RTCA: variants seen among roughly 807,000 people sequenced by gnomAD.
RTCA encodes the protein RNA 3'-terminal phosphate cyclase, also known as RNA terminal phosphate cyclase domain 1.
A neutral mutation model predicts 46.1 loss-of-function variants in RTCA; 37 were observed. The observed-to-expected ratio is 0.80, with a 90% CI of 0.62 to 1.06. The LOEUF is 1.06. Among genes scored for constraint, RTCA ranks in the 50% least tolerant of loss-of-function variants. RTCA has a pLI of 0.00. For missense variants in RTCA, 435 were observed against 455.5 expected (o/e 0.95, Z 0.41); for synonymous variants, 164 against 158.3 (o/e 1.04, Z -0.27).
In RTCA at chr1:100,266,686, G is replaced by A. The variant is rs538625560; in HGVS notation, c.146+62G>A. The A allele has an allele frequency of 4.3e-6, 6 of 1,410,710 alleles. No homozygotes were observed. In the South Asian group the frequency reaches 6.2e-5, roughly 15 times the overall value. 87.4% of individuals were successfully genotyped at this position (1,410,710 alleles called of 1,614,324 possible). ...TGGGGGATCGGGGGGTCGGGCTGCC[G>A]GGCTGGGGCATCGGGAGTCCGAGTG... On this transcript the variant is annotated intron_variant, in intron 2 of 10. Coordinates refer to ENST00000370128, the MANE Select transcript of RTCA (RefSeq NM_003729.4).
chr1:100,281,328 G>C (rs781561579), intron 8 of RTCA: 5 of 531,756 alleles, frequency 9.4e-6, no homozygotes, highest in Non-Finnish European at 1.2e-5. Flanking sequence ...ATGATAGAGA[G>C]CACTAAACAG....
chr1:100,270,114 T>C (rs1467480185), intron 3 of RTCA, among the ~76,000 whole-genome samples: 2 of 152,242 alleles, frequency 1.3e-5, no homozygotes, highest in African/African-American at 2.4e-5. Flanking sequence ...TACCTTGTTA[T>C]ATAGTAACTA....
Position 100,291,640 on chromosome 1 carries a change from GAGA to G in RTCA, c.*139_*141del, listed in dbSNP as rs1438671393. The G allele has an allele frequency of 3.9e-6, 2 of 512,700 alleles. No homozygotes were observed. The highest frequency in any genetic ancestry group is 6.9e-6 in the Non-Finnish European group (2 of 290,498). 31.8% of individuals were successfully genotyped at this position (512,700 alleles called of 1,614,324 possible). On this transcript the variant is annotated 3_prime_UTR_variant, in exon 11 of 11. Coordinates refer to ENST00000370128, the MANE Select transcript of RTCA (RefSeq NM_003729.4). ...TGAAGTACAGTGTTCTAGGTTTGCT[GAGA>G]AGGCTTCATTAAATTAATCTCACTT...
intron 8 of RTCA, among the ~76,000 whole-genome samples, chr1:100,280,003 A>G (rs1570884618): frequency 6.6e-6 from 1 of 152,362 alleles, no homozygotes; most frequent in Non-Finnish European, 1.5e-5. Context: ...AGAAAGCCAT[A>G]TTAGAGGCAG....
intron 8 of RTCA, chr1:100,281,117 G>A: frequency 4.1e-6 from 2 of 492,618 alleles, no homozygotes; most frequent in South Asian, 3.0e-5. Flanking sequence ...GAGGCAGGAA[G>A]TTGTAACTAG....
intron 8 of RTCA, among the ~76,000 whole-genome samples, chr1:100,280,788 A>G (rs2100805514): frequency 6.6e-6 from 1 of 152,150 alleles, no homozygotes; most frequent in Non-Finnish European, 1.5e-5. Context: ...GATCACTTGA[A>G]CCCAAGTGTT....
intron 5 of RTCA, among the ~76,000 whole-genome samples, chr1:100,274,126 A>G (rs1018710870): frequency 2.0e-5 from 3 of 152,074 alleles, no homozygotes; most frequent in Non-Finnish European, 4.4e-5. Flanking sequence ...ATAATTCTTT[A>G]TGAACTGTGA....
intron 8 of RTCA, among the ~76,000 whole-genome samples, chr1:100,280,244 A>G (rs1346349063): frequency 6.6e-6 from 1 of 152,188 alleles, no homozygotes; most frequent in East Asian, 1.9e-4. Context: ...GGGTAGAGTT[A>G]GTTTGCCAGG....
intron 6 of RTCA, 127 bp from the exon 7 acceptor site, chr1:100,275,472 G>A: frequency 3.2e-6 from 2 of 634,300 alleles, no homozygotes; most frequent in Non-Finnish European, 5.1e-6. Flanking sequence ...GTGCTCTCTT[G>A]AAAATCAAGT....
chr1:100,284,553 C>T (rs940993904), intron 8 of RTCA, among the ~76,000 whole-genome samples: 1 of 151,982 alleles, frequency 6.6e-6, no homozygotes, highest in Non-Finnish European at 1.5e-5. Context: ...ACCACCATGC[C>T]CAGCTAAATT....
At chr1:100,268,380 T>C in intron 3 of RTCA, 85 bp downstream of exon 3, 1 of 1,103,278 alleles carries the variant, frequency 9.1e-7, no homozygotes, top group Non-Finnish European at 1.3e-6. Context: ...TTAATGTCTA[T>C]GAGCTTGTTT....
chr1:100,285,382 T>TA, intron 9 of RTCA, 60 bp downstream of exon 9: 1 of 1,100,622 alleles, frequency 9.1e-7, no homozygotes, highest in Non-Finnish European at 1.4e-6. Context: ...TGTGGTAGAT[T>TA]GAATATCAAT....
chr1:100,281,173 A>C (rs1395251317), intron 8 of RTCA: 3 of 526,754 alleles, frequency 5.7e-6, no homozygotes, highest in Non-Finnish European at 1.2e-5. Context: ...TTTTGATCTT[A>C]GTTTCCTTAT....
chr1:100,288,428 T>C (rs1349826925), intron 10 of RTCA, among the ~76,000 whole-genome samples: 1 of 152,212 alleles, frequency 6.6e-6, no homozygotes, highest in Non-Finnish European at 1.5e-5. Flanking sequence ...TTATTGTTTT[T>C]GAGACAGGGT....
intron 2 of RTCA, chr1:100,267,454 C>A: frequency 6.8e-7 from 1 of 1,463,680 alleles, no homozygotes; most frequent in East Asian, 2.5e-5. Context: ...AACAAAATGC[C>A]ACACACAGAG....
rs1159856399 is a variant in RTCA, at chr1:100,277,287, T to C, written c.770T>C (p.Leu257Ser). 6.2e-7 allele frequency: 1 copy of C among 1,612,584 alleles called. No homozygotes were observed. Among genetic ancestry groups the C allele is most frequent in the East Asian group, 2.2e-5 (1 of 44,844 alleles). Reference protein sequence around the residue: ...IIIAETSTGCLFAGSSLGKRG... With the variant: ...IIIAETSTGCSFAGSSLGKRG... ...ATTGCTGAGACCTCCACTGGCTGTT[T>C]GTTTGCTGGATCATCGCTTGGTAAA... Residue 257 changes from leucine (L) to serine (S), a missense_variant, in exon 8 of 11, where the codon TTG becomes TCG. Coordinates refer to ENST00000370128, the MANE Select transcript of RTCA (RefSeq NM_003729.4).
At chr1:100,288,468 T>C (rs1247234500) in intron 10 of RTCA, among the ~76,000 whole-genome samples, 1 of 152,134 alleles carries the variant, frequency 6.6e-6, no homozygotes, top group Non-Finnish European at 1.5e-5. Context: ...TGGATTGCAG[T>C]GGCACAAACC....
At chr1:100,287,820 G>T (rs1667111319) in intron 10 of RTCA, among the ~76,000 whole-genome samples, 1 of 143,882 alleles carries the variant, frequency 7.0e-6, no homozygotes, top group South Asian at 2.1e-4. Flanking sequence ...TTGAGACAGG[G>T]TCTCACACTG....
intron 8 of RTCA, 52 bp downstream of exon 8, chr1:100,277,368 T>C: frequency 6.8e-7 from 1 of 1,460,436 alleles, no homozygotes; most frequent in Non-Finnish European, 9.4e-7. Flanking sequence ...CAGAATTCTT[T>C]AATCCATCAG....
Sources: gnomAD v4.1 joint callset for allele counts (sites outside exome capture counted in the v4.1 genomes callset) on GRCh38, gnomAD v4.1.1 for gene constraint, MANE v1.5 for transcripts, NCBI Gene and HGNC (gene_info 2026-07-23, HGNC 2026-07-21) for gene names.